Variants in INCENP observed in about 807,000 individuals in gnomAD.
INCENP encodes the protein inner centromere protein.
Under a neutral mutation model 107.3 loss-of-function variants are expected in INCENP, and 43 were observed. The observed-to-expected ratio is 0.40, with a 90% CI of 0.31 to 0.52. The LOEUF (loss-of-function observed/expected upper bound fraction) is 0.52. Ranked by LOEUF, INCENP falls within the 20% of genes least tolerant of loss-of-function variation. The pLI, the probability that INCENP is intolerant of heterozygous loss-of-function variation, is 0.53. For missense variants in INCENP, 1,089 were observed against 1,250.9 expected (o/e 0.87, Z 1.95); for synonymous variants, 488 against 494.4 (o/e 0.99, Z 0.17).
chr11:62,137,754 C>T (rs558287174), intron 4 of INCENP, 78 bp from the exon 5 acceptor site: 3 of 1,343,320 alleles, frequency 2.2e-6, no homozygotes, highest in African/African-American at 1.4e-5. Flanking sequence ...CTTGCTGGAA[C>T]CCGGTCCCCT....
In INCENP at chr11:62,140,667, G is replaced by A. The variant is rs201544625; in HGVS notation, c.1344-37G>A. ...TGATGGGGTGTGGCTGGGCTGTGGC[G>A]GGCTGCCCTGTGATGCCGCCGCCCG... On this transcript the variant is annotated intron_variant, in intron 8 of 18. Transcript: ENST00000394818. 131 of 1,515,426 alleles carry A rather than the reference G, an allele frequency of 8.6e-5. No homozygotes were observed. In the African/African-American group the frequency reaches 1.3e-3, roughly 15 times the overall value. 93.9% of individuals were successfully genotyped at this position (1,515,426 alleles called of 1,614,324 possible). A position where few individuals can be genotyped will look rare whatever the true frequency, so the allele number is the denominator to read the frequency against.
At position 62,138,751 on chromosome 11, in the gene INCENP, T is replaced by G. The variant is rs1184290855; in HGVS notation, c.1154T>G (p.Val385Gly). Residue 385 changes from valine (V) to glycine (G), a missense_variant, in exon 6 of 19, where the codon GTG becomes GGG. Physicochemically the swap from Val to Gly is moderately radical, Grantham distance 109 (BLOSUM62 -3). Transcript: ENST00000394818. ...GAACCCCCCGAGGAGGCTGAGCCTG[T>G]GGCGGCAGCTGAGCCAGAGGTAAGA... ...QKEPPEEAEP[V>G]AAAEPEVPEN... 2 of 1,613,964 alleles carry G rather than the reference T, an allele frequency of 1.2e-6. No homozygotes were observed. The highest frequency in any genetic ancestry group is 8.5e-7 in the Non-Finnish European group (1 of 1,179,980).
chr11:62,129,224 C>G (rs1943825150), intron 3 of INCENP, among the ~76,000 whole-genome samples: 1 of 152,114 alleles, frequency 6.6e-6, no homozygotes, highest in African/African-American at 2.4e-5. Flanking sequence ...AGACCACGTG[C>G]CTTGTCCCAG....
chr11:62,138,336 CA>C (rs1186588386), intron 5 of INCENP, among the ~76,000 whole-genome samples: 3 of 152,200 alleles, frequency 2.0e-5, no homozygotes, highest in African/African-American at 7.2e-5. Flanking sequence ...GACGGGGAAA[CA>C]GGGTGACAGG....
intron 17 of INCENP, among the ~76,000 whole-genome samples, chr11:62,149,494 T>TA (rs1944327795): frequency 6.6e-6 from 1 of 152,216 alleles, no homozygotes; most frequent in African/African-American, 2.4e-5. Flanking sequence ...GATGGATGGT[T>TA]ACGTTGCAAA....
At chr11:62,140,597 A>G (rs1208651292) in intron 8 of INCENP, 107 bp from the exon 9 acceptor site, 2 of 937,004 alleles carry the variant, frequency 2.1e-6, no homozygotes, top group Non-Finnish European at 3.3e-6. Flanking sequence ...CTTTCAGTCT[A>G]GAGGCCTGTG....
chr11:62,128,848 T>C lies in INCENP; in HGVS notation c.219T>C (p.Tyr73=), dbSNP rs112261190. ...GACGGAAGAAGAGACGGATTTCTTATGTTCAGGATGAAAACAGAGATCCCA... is the reference window on the plus strand; with the variant it reads ...GACGGAAGAAGAGACGGATTTCTTACGTTCAGGATGAAAACAGAGATCCCA... The part of the protein sequence containing the change: ...KNRRKKRRIS[Y]VQDENRDPIR... Residue 73 remains tyrosine (Y), a synonymous_variant, in exon 3 of 19, where the codon TAT becomes TAC. Coordinates refer to ENST00000394818, the MANE Select transcript of INCENP (RefSeq NM_001040694.2). 2.7e-5 allele frequency: 43 copies of C among 1,614,008 alleles called. No individual in the cohort carries two copies. The African/African-American group carries it at 4.8e-4, about 18-fold the overall frequency.
rs1322659119 is a variant in INCENP, at chr11:62,130,591, G to A, written c.1063+1G>A. On this transcript the variant is annotated splice_donor_variant, in intron 4 of 18. Transcript: ENST00000394818. LOFTEE classifies it high-confidence loss of function. ...CCAGCTGCCTCTGGCCGCATCATCT[G>A]TGAGTCTGGGGGCTTGGCAGTGGCG... 6.2e-7 allele frequency: 1 copy of A among 1,608,708 alleles called. No homozygotes were observed. The highest frequency in any genetic ancestry group is 1.3e-5 in the African/African-American group (1 of 75,020).
intron 4 of INCENP, among the ~76,000 whole-genome samples, chr11:62,137,293 A>G (rs988679937): frequency 6.6e-6 from 1 of 151,588 alleles, no homozygotes; most frequent in African/African-American, 2.4e-5. Flanking sequence ...ACAGAGCAAG[A>G]CTCCGTCTCA....
chr11:62,130,261 G>T lies in INCENP; in HGVS notation c.734G>T (p.Gly245Val). 6.2e-7 allele frequency: 1 copy of T among 1,613,274 alleles called. No individual in the cohort carries two copies. Among genetic ancestry groups the T allele is most frequent in the Non-Finnish European group, 8.5e-7 (1 of 1,180,030 alleles). Residue 245 changes from glycine (G) to valine (V), a missense_variant, in exon 4 of 19, where the codon GGT becomes GTT. Gly to Val is a moderately radical substitution (Grantham distance 109). Coordinates refer to ENST00000394818, the MANE Select transcript of INCENP (RefSeq NM_001040694.2). The part of the protein sequence containing the change: ...SLMATPQDPK[G>V]QGVGTGRSAS... Reference sequence around the variant, plus strand: ...ATGGCTACACCCCAGGACCCCAAGGGTCAAGGGGTCGGGACGGGGCGGTCT... The same window carrying T: ...ATGGCTACACCCCAGGACCCCAAGGTTCAAGGGGTCGGGACGGGGCGGTCT...
At chr11:62,141,150 C>T in intron 10 of INCENP, 106 bp downstream of exon 10, 1 of 1,443,098 alleles carries the variant, frequency 6.9e-7, no homozygotes, top group Non-Finnish European at 9.4e-7. Context: ...TGGGCGGAGG[C>T]AAGTGTGGCC....
chr11:62,126,218 T>C (rs3758970), intron 1 of INCENP, among the ~76,000 whole-genome samples: 122,799 of 149,824 alleles, frequency 0.82, 51,970 homozygotes, highest in Non-Finnish European at 0.95. Flanking sequence ...TTTTTTGAGA[T>C]AGAGTCTCCC....
rs149835781 is a variant in INCENP at position 62,140,631 on chromosome 11, G to A, written c.1344-73G>A. On this transcript the variant is annotated intron_variant, in intron 8 of 18. Transcript: ENST00000394818. ...TGGCCTGGGCCCGGTATTGTTCACCGGGGTGACTTTTGATGGGGTGTGGCT... is the reference window on the plus strand; with the variant it reads ...TGGCCTGGGCCCGGTATTGTTCACCAGGGTGACTTTTGATGGGGTGTGGCT... 2.9e-4 allele frequency: 374 copies of A among 1,301,240 alleles called. 1 individual carries two copies. The African/African-American group carries it at 3.8e-3, about 13-fold the overall frequency. The allele number at this position is 1,301,240 out of a possible 1,614,324, so 80.6% of individuals were successfully genotyped here. A position where few individuals can be genotyped will look rare whatever the true frequency, so the allele number is the denominator to read the frequency against.
intron 1 of INCENP, among the ~76,000 whole-genome samples, chr11:62,126,336 T>C (rs1943749440): frequency 6.6e-6 from 1 of 152,028 alleles, no homozygotes; most frequent in African/African-American, 2.4e-5. Context: ...GCTGGGATTA[T>C]AGGCGTGCAC....
intron 7 of INCENP, among the ~76,000 whole-genome samples, 188 bp downstream of exon 7, chr11:62,139,193 A>G (rs1184474350): frequency 1.3e-5 from 2 of 152,074 alleles, no homozygotes; most frequent in Non-Finnish European, 2.9e-5. Flanking sequence ...GTTGGGCTGG[A>G]GCTGTCACTG....
intron 14 of INCENP, among the ~76,000 whole-genome samples, chr11:62,146,363 G>A (rs941374042): frequency 6.6e-6 from 1 of 152,212 alleles, no homozygotes; most frequent in Non-Finnish European, 1.5e-5. Context: ...TTTTATAGAC[G>A]AGGAAACAGG....
chr11:62,138,640 G>C (rs1944042187), intron 5 of INCENP, 73 bp from the exon 6 acceptor site: 1 of 1,453,958 alleles, frequency 6.9e-7, no homozygotes, highest in Admixed American at 1.8e-5. Flanking sequence ...TCCCTGGAAT[G>C]GTAGAGGGAC....
At chr11:62,144,798 G>T in intron 11 of INCENP, 184 bp from the exon 12 acceptor site, 1 of 765,458 alleles carries the variant, frequency 1.3e-6, no homozygotes, top group East Asian at 2.4e-5. Context: ...GGGAGGAAAG[G>T]CGGGAGCTGC....
chr11:62,143,272 AAAG>A (rs1239128434), intron 11 of INCENP, among the ~76,000 whole-genome samples: 1 of 152,022 alleles, frequency 6.6e-6, no homozygotes, highest in African/African-American at 2.4e-5. Flanking sequence ...GGCACAAGGC[AAAG>A]AAGAAAAGAG....
Sources: gnomAD v4.1 joint callset for allele counts (sites outside exome capture counted in the v4.1 genomes callset) on GRCh38, gnomAD v4.1.1 for gene constraint, MANE v1.5 for transcripts, NCBI Gene and HGNC (gene_info 2026-07-23, HGNC 2026-07-21) for gene names.